Variants in CDKAL1 observed in about 807,000 individuals in gnomAD.
CDKAL1 encodes threonylcarbamoyladenosine tRNA methylthiotransferase.
CDKAL1 carries 32 observed loss-of-function variants against 68.2 expected under a neutral mutation model. The ratio of observed to expected loss-of-function variants is 0.47; its 90% CI spans 0.35 to 0.63. CDKAL1 has a LOEUF of 0.63. Among genes scored for constraint, CDKAL1 ranks in the 30% least tolerant of loss-of-function variants. CDKAL1 has a pLI of 0.00. For synonymous variants in CDKAL1, 234 were observed against 244.3 expected (o/e 0.96, Z 0.39); for missense variants, 606 against 696.7 (o/e 0.87, Z 1.47).
At chr6:20,617,994 C>T (rs763526985) in intron 4 of CDKAL1, among the ~76,000 whole-genome samples, 2 of 152,200 alleles carry the variant, frequency 1.3e-5, no homozygotes, top group Non-Finnish European at 2.9e-5. Context: ...AATCGCCACA[C>T]TGTCTTCCAC....
At chr6:20,836,570 T>G (rs1777954804) in intron 8 of CDKAL1, among the ~76,000 whole-genome samples, 1 of 152,210 alleles carries the variant, frequency 6.6e-6, no homozygotes, top group Non-Finnish European at 1.5e-5. Context: ...TCTGAAATAC[T>G]GTTCTTTAAT....
chr6:20,585,943 C>G (rs894069165), intron 4 of CDKAL1, among the ~76,000 whole-genome samples: 4 of 152,048 alleles, frequency 2.6e-5, no homozygotes, highest in African/African-American at 4.8e-5. Flanking sequence ...TTACCATGTC[C>G]AAAACTACTA....
chr6:20,895,262 T>C (rs1390231832), intron 9 of CDKAL1, among the ~76,000 whole-genome samples: 2 of 152,252 alleles, frequency 1.3e-5, no homozygotes, highest in Admixed American at 6.5e-5. Flanking sequence ...ACTCACCTGG[T>C]AATGGATATT....
intron 9 of CDKAL1, among the ~76,000 whole-genome samples, chr6:20,886,437 C>CAAAT (rs1228595742): frequency 2.0e-5 from 3 of 152,132 alleles, no homozygotes; most frequent in African/African-American, 7.2e-5. Context: ...TACACATACA[C>CAAAT]AAATGTTCAT....
intron 9 of CDKAL1, among the ~76,000 whole-genome samples, chr6:20,896,103 C>CTTTTTTT (rs777787310): frequency 1.8e-4 from 16 of 90,144 alleles, no homozygotes; most frequent in South Asian, 3.6e-4. Flanking sequence ...CTTTTCTTTT[C>CTTTTTTT]TTTTTTTTTT....
chr6:21,174,450 C>T (rs573248666), intron 13 of CDKAL1, among the ~76,000 whole-genome samples: 8 of 152,036 alleles, frequency 5.3e-5, no homozygotes, highest in South Asian at 2.1e-4. Flanking sequence ...AAAATAGTCT[C>T]AATAATTGTA....
chr6:21,195,699 CGG>C, intron 13 of CDKAL1, among the ~76,000 whole-genome samples: 1 of 151,158 alleles, frequency 6.6e-6, no homozygotes, highest in South Asian at 2.1e-4. Flanking sequence ...TTTATAGAGA[CGG>C]GGTTTTGCCA....
chr6:21,021,938 G>A (rs141162730), intron 11 of CDKAL1, among the ~76,000 whole-genome samples: 21 of 152,270 alleles, frequency 1.4e-4, no homozygotes, highest in South Asian at 2.1e-4. Context: ...TTGATAATGC[G>A]TGGGAACTTA....
chr6:20,753,521 A>G (rs1372736408), intron 6 of CDKAL1, among the ~76,000 whole-genome samples: 3 of 152,192 alleles, frequency 2.0e-5, no homozygotes, highest in Non-Finnish European at 4.4e-5. Flanking sequence ...AGGCTATATC[A>G]TATAGCCTAG....
intron 15 of CDKAL1, among the ~76,000 whole-genome samples, chr6:21,218,225 G>A (rs1324600861): frequency 6.6e-6 from 1 of 152,172 alleles, no homozygotes; most frequent in Non-Finnish European, 1.5e-5. Context: ...ATAAGCAACT[G>A]TTCCAGAAAA....
chr6:21,012,080 A>G (rs1457435939), intron 11 of CDKAL1, among the ~76,000 whole-genome samples: 1 of 152,224 alleles, frequency 6.6e-6, no homozygotes, highest in Non-Finnish European at 1.5e-5. Context: ...ATCTCCAGCC[A>G]TCACATCTGC....
At chr6:20,832,373 G>A (rs1256292451) in intron 8 of CDKAL1, among the ~76,000 whole-genome samples, 1 of 151,342 alleles carries the variant, frequency 6.6e-6, no homozygotes, top group East Asian at 1.9e-4. Flanking sequence ...AATCTCAAAT[G>A]ATCAAATGAA....
rs111641558 is a variant in CDKAL1 at position 20,804,359 on chromosome 6, G to A, written c.638+23094G>A. On this transcript the variant is annotated intron_variant, in intron 8 of 15. Transcript: ENST00000274695. ...GAATGAGAGAGGCAAGAATAACTGG[G>A]ACTAAGAATACAGGTGATCGGTTAG... Among the ~76,000 whole-genome samples, 190 of 152,294 alleles carry A rather than the reference G, an allele frequency of 1.2e-3. 1 individual carries two copies. Among genetic ancestry groups the A allele is most frequent in the Middle Eastern group, 6.8e-3 (2 of 294 alleles).
intron 5 of CDKAL1, among the ~76,000 whole-genome samples, chr6:20,653,841 G>A (rs1195554202): frequency 6.6e-6 from 1 of 152,148 alleles, no homozygotes; most frequent in Non-Finnish European, 1.5e-5. Flanking sequence ...TCAATCTCCT[G>A]ACCTCGTGAT....
At chr6:20,659,228 G>A (rs6906327) in intron 5 of CDKAL1, among the ~76,000 whole-genome samples, 70,718 of 152,040 alleles carry the variant, frequency 0.47, 18,555 homozygotes, top group African/African-American at 0.73. Flanking sequence ...TAAGTTAGAT[G>A]ATGCAAGTTA....
intron 7 of CDKAL1, among the ~76,000 whole-genome samples, chr6:20,760,378 G>A (rs144531470): frequency 6.6e-5 from 10 of 152,264 alleles, no homozygotes; most frequent in East Asian, 1.9e-4. Context: ...CTTCAACTCC[G>A]TCCTGGAGAA....
At chr6:21,136,822 T>C (rs912937280) in intron 13 of CDKAL1, among the ~76,000 whole-genome samples, 7 of 152,218 alleles carry the variant, frequency 4.6e-5, no homozygotes, top group Non-Finnish European at 1.0e-4. Flanking sequence ...TCCAAATAAC[T>C]TGTCCAGTGC....
chr6:21,198,000 T>C (rs765022334), intron 13 of CDKAL1, 21 bp from the exon 14 acceptor site: 10 of 1,509,308 alleles, frequency 6.6e-6, no homozygotes, highest in Admixed American at 1.8e-5. Context: ...TTCCTTTCTT[T>C]CCCTCCCCTT....
intron 4 of CDKAL1, among the ~76,000 whole-genome samples, chr6:20,580,748 T>G (rs1250698579): frequency 6.6e-6 from 1 of 152,134 alleles, no homozygotes; most frequent in Non-Finnish European, 1.5e-5. Flanking sequence ...ATAGCCCTTG[T>G]GTCTCTCCCT....
Sources: gnomAD v4.1 joint callset for allele counts (sites outside exome capture counted in the v4.1 genomes callset) on GRCh38, gnomAD v4.1.1 for gene constraint, MANE v1.5 for transcripts, NCBI Gene and HGNC (gene_info 2026-07-23, HGNC 2026-07-21) for gene names.